The following CHST9 variants were observed in gnomAD, a reference collection of about 807,000 sequenced individuals.
The protein encoded by CHST9 is carbohydrate sulfotransferase 9.
In CHST9, 41 loss-of-function variants were observed where a neutral mutation model predicts 44.4. That is an observed-to-expected ratio of 0.92 (90% CI 0.72 to 1.20). The LOEUF is 1.20. Ranked by LOEUF, CHST9 falls within the 50% of genes most tolerant of loss-of-function variation. The pLI is 0.00. For synonymous variants in CHST9, 171 were observed against 178.4 expected, an observed-to-expected ratio of 0.96 and a Z score of 0.33; for missense variants, 504 against 516.5, an observed-to-expected ratio of 0.98 and a Z score of 0.23.
intron 1 of CHST9, among the ~76,000 whole-genome samples, chr18:27,168,653 C>T (rs1052747637): frequency 2.0e-4 from 31 of 151,908 alleles, no homozygotes; most frequent in Non-Finnish European, 2.9e-5. Flanking sequence ...TAAGAGGTAT[C>T]ACATAGGGAG....
At chr18:27,109,942 T>C (rs1050788315) in intron 2 of CHST9, among the ~76,000 whole-genome samples, 2 of 152,080 alleles carry the variant, frequency 1.3e-5, no homozygotes, top group Admixed American at 1.3e-4. Context: ...AGCTCTCGGA[T>C]GAGCACAGAA....
chr18:26,935,165 C>G (rs1394036324), intron 5 of CHST9: 1 of 151,632 alleles, frequency 6.6e-6, no homozygotes. Flanking sequence ...ATCATTGAAC[C>G]AATGTACAAT....
chr18:26,941,469 A>T (rs1405093455), intron 5 of CHST9, among the ~76,000 whole-genome samples: 1 of 152,060 alleles, frequency 6.6e-6, no homozygotes, highest in East Asian at 1.9e-4. Flanking sequence ...TCTCATGCTG[A>T]CCATATTTTA....
At chr18:27,038,183 A>C (rs2057409233) in intron 3 of CHST9, among the ~76,000 whole-genome samples, 1 of 152,192 alleles carries the variant, frequency 6.6e-6, no homozygotes, top group Non-Finnish European at 1.5e-5. Context: ...TAGAAAAGTA[A>C]ATTTTAAAAA....
intron 3 of CHST9, among the ~76,000 whole-genome samples, chr18:27,046,175 C>G (rs887587329): frequency 1.3e-5 from 2 of 151,960 alleles, no homozygotes; most frequent in African/African-American, 4.8e-5. Context: ...CAAACATAAT[C>G]TCATTCTTTC....
chr18:27,017,189 A>T (rs1007026781), intron 4 of CHST9, among the ~76,000 whole-genome samples: 5 of 152,218 alleles, frequency 3.3e-5, no homozygotes, highest in African/African-American at 9.6e-5. Flanking sequence ...TTAATCACAA[A>T]TTATTGGGAT....
At chr18:27,164,896 A>G (rs891913456) in intron 1 of CHST9, among the ~76,000 whole-genome samples, 1 of 152,228 alleles carries the variant, frequency 6.6e-6, no homozygotes, top group African/African-American at 2.4e-5. Flanking sequence ...CAATGTGTCA[A>G]TCAAGGTTGT....
intron 4 of CHST9, among the ~76,000 whole-genome samples, chr18:26,975,764 T>TATAA (rs1555673347): frequency 5.9e-5 from 8 of 136,228 alleles, no homozygotes; most frequent in African/African-American, 1.9e-4. Flanking sequence ...TATATATATA[T>TATAA]AACATTTTCT....
chr18:26,927,230 G>T (rs1214559913), intron 5 of CHST9, among the ~76,000 whole-genome samples: 1 of 152,062 alleles, frequency 6.6e-6, no homozygotes, highest in Non-Finnish European at 1.5e-5. Context: ...TTCTTTTTAT[G>T]TGTGTGTGTT....
At chr18:27,032,531 C>T (rs1054606015) in intron 3 of CHST9, among the ~76,000 whole-genome samples, 1 of 152,180 alleles carries the variant, frequency 6.6e-6, no homozygotes, top group Non-Finnish European at 1.5e-5. Context: ...TTTCTTCCTT[C>T]TTTTGTCACT....
chr18:26,934,079 G>T (rs1260127604), intron 5 of CHST9, among the ~76,000 whole-genome samples: 1 of 152,172 alleles, frequency 6.6e-6, no homozygotes, highest in Non-Finnish European at 1.5e-5. Flanking sequence ...TGGTTGCCCT[G>T]TGAGTGCGAA....
chr18:26,919,421 G>A (rs2055604216), intron 5 of CHST9, among the ~76,000 whole-genome samples: 1 of 152,136 alleles, frequency 6.6e-6, no homozygotes. Flanking sequence ...TTTGACTGTG[G>A]TTTGACAGAC....
chr18:27,176,715 A>G (rs2058871591), intron 1 of CHST9, among the ~76,000 whole-genome samples: 1 of 151,984 alleles, frequency 6.6e-6, no homozygotes, highest in Non-Finnish European at 1.5e-5. Flanking sequence ...CAATAATCTC[A>G]AGCCATTCTT....
intron 1 of CHST9, among the ~76,000 whole-genome samples, chr18:27,173,328 T>C (rs193199518): frequency 3.2e-4 from 49 of 152,202 alleles, no homozygotes; most frequent in African/African-American, 1.2e-3. Flanking sequence ...TAAATGTCAC[T>C]GTAGCCCTGG....
chr18:26,971,832 C>T (rs416889), intron 4 of CHST9, among the ~76,000 whole-genome samples: 1 of 21,298 alleles, frequency 4.7e-5, no homozygotes, highest in Admixed American at 5.3e-4. Flanking sequence ...ATAGCTCCCA[C>T]GGCTATGGAT....
At chr18:26,985,133 C>T (rs2056739184) in intron 4 of CHST9, among the ~76,000 whole-genome samples, 2 of 152,150 alleles carry the variant, frequency 1.3e-5, no homozygotes, top group Non-Finnish European at 2.9e-5. Flanking sequence ...ATATGTGGTA[C>T]ATCAACATAA....
chr18:26,965,701 T>C (rs559950928), intron 4 of CHST9, among the ~76,000 whole-genome samples: 26 of 152,346 alleles, frequency 1.7e-4, no homozygotes, highest in African/African-American at 6.0e-4. Flanking sequence ...GCTTAACACA[T>C]GTTCACTCTC....
intron 2 of CHST9, among the ~76,000 whole-genome samples, chr18:27,114,145 A>T (rs1598734392): frequency 6.6e-6 from 1 of 152,178 alleles, no homozygotes. Context: ...AAATGAGTGA[A>T]TTTTTGTGTT....
chr18:27,024,896 CAT>C (rs1273340279), intron 3 of CHST9, among the ~76,000 whole-genome samples: 3 of 151,966 alleles, frequency 2.0e-5, no homozygotes, highest in African/African-American at 4.8e-5. Context: ...CCTACTGTAA[CAT>C]AGTATATTTC....
Sources: allele counts gnomAD v4.1 joint callset (sites outside exome capture counted in the v4.1 genomes callset), GRCh38; gene constraint gnomAD v4.1.1; transcripts MANE v1.5; gene names NCBI Gene and HGNC (gene_info 2026-07-23, HGNC 2026-07-21).